Variants in ITGA2B observed in about 807,000 individuals in gnomAD.
ITGA2B encodes integrin subunit alpha 2b.
ITGA2B carries 91 observed loss-of-function variants against 142.0 expected under a neutral mutation model. That is an observed-to-expected ratio of 0.64 (90% confidence interval 0.54 to 0.76). ITGA2B has a LOEUF of 0.76. Among genes scored for constraint, ITGA2B ranks in the 30% least tolerant of loss-of-function variants. The pLI is 0.00. For synonymous variants in ITGA2B, 536 were observed against 567.2 expected (o/e 0.94, Z 0.78); for missense variants, 1,231 against 1,350.8 (o/e 0.91, Z 1.39).
At chr17:44,378,309 A>G in intron 20 of ITGA2B, 53 bp downstream of exon 20, 6 of 1,575,916 alleles carry the variant, frequency 3.8e-6, no homozygotes, top group Non-Finnish European at 5.2e-6. Flanking sequence ...GAGAGAGCCA[A>G]GGCTCCAGTG....
At chr17:44,384,660 A>C in intron 7 of ITGA2B, 75 bp from the exon 8 acceptor site, 2 of 1,537,610 alleles carry the variant, frequency 1.3e-6, no homozygotes, top group South Asian at 2.2e-5. Flanking sequence ...GAAGGAGGAG[A>C]TTAAGGCCAC....
At chr17:44,375,144 C>G in intron 26 of ITGA2B, 33 bp from the exon 27 acceptor site, 1 of 1,518,928 alleles carries the variant, frequency 6.6e-7, no homozygotes, top group Non-Finnish European at 8.9e-7. Flanking sequence ...CCCAGCCCGT[C>G]CCGGCCCATC....
chr17:44,379,953 T>C, intron 17 of ITGA2B, 49 bp downstream of exon 17: 1 of 1,612,936 alleles, frequency 6.2e-7, no homozygotes, highest in Non-Finnish European at 8.5e-7. Context: ...ACAAGTCCAG[T>C]GGGTAAGTTC....
At position 44,380,018 on chromosome 17, in the gene ITGA2B, G is replaced by C; in HGVS notation, c.1736C>G (p.Thr579Ser). The part of the protein sequence containing the change: ...GGKHSPICHT[T>S]MAFLRDEADF... Reference sequence around the variant, plus strand: ...TGGGCGTACTCGAAGGAAGGCCATGGTGGTGTGGCAGATGGGGCTGTGCTT... The same window carrying C: ...TGGGCGTACTCGAAGGAAGGCCATGCTGGTGTGGCAGATGGGGCTGTGCTT... Residue 579 changes from threonine to serine, a missense_variant, in exon 17 of 30, where the codon ACC becomes AGC. Physicochemically the swap from Thr to Ser is moderately conservative, Grantham distance 58. Coordinates refer to ENST00000262407, the MANE Select transcript of ITGA2B (RefSeq NM_000419.5). The C allele has an allele frequency of 6.2e-7, 1 of 1,613,620 alleles. No homozygotes were observed. Among genetic ancestry groups the C allele is most frequent in the Non-Finnish European group, 8.5e-7 (1 of 1,180,032 alleles).
intron 12 of ITGA2B, among the ~76,000 whole-genome samples, chr17:44,382,153 AG>A (rs1193940756): frequency 4.0e-5 from 6 of 151,872 alleles, no homozygotes; most frequent in East Asian, 1.9e-4. Context: ...GAGGCATCAC[AG>A]GGACTCTCTG....
At position 44,374,673 on chromosome 17, in the gene ITGA2B, G is replaced by C. The variant is rs79657230; in HGVS notation, c.2929C>G (p.Arg977Gly). ...CCCACACTCACCTGAGCTTCCCCTC[G>C]GGGCAGGCTGAGCGGGGGCACCGCA... Reference protein sequence around the residue: ...PYAVPPLSLPRGEAQVWTQLL... With the variant: ...PYAVPPLSLPGGEAQVWTQLL... Residue 977 changes from arginine to glycine, a missense_variant, in exon 28 of 30, where the codon CGA (arginine) becomes GGA (glycine). Arg to Gly is a moderately radical substitution (Grantham distance 125). This residue lies in a region of ITGA2B where 908 missense variants were observed against 1,021.1 expected (regional missense o/e 0.89). Coordinates refer to ENST00000262407, the MANE Select transcript of ITGA2B (RefSeq NM_000419.5). The C allele has an allele frequency of 1.9e-6, 3 of 1,613,678 alleles. No homozygotes were observed. Among genetic ancestry groups the C allele is most frequent in the South Asian group, 1.1e-5 (1 of 91,074 alleles).
rs201613707 is a variant in ITGA2B, at chr17:44,376,213, G to C, written c.2349-29C>G. 5.0e-6 allele frequency: 8 copies of C among 1,613,854 alleles called. No homozygotes were observed. In the Admixed American group the frequency reaches 8.3e-5, roughly 17 times the overall value. On this transcript the variant is annotated intron_variant, in intron 23 of 29. Coordinates refer to ENST00000262407, the MANE Select transcript of ITGA2B (RefSeq NM_000419.5). Reference sequence around the variant, plus strand: ...CAGGTGCCCAAGACCCCCAGAGAGAGTGTGATGCCCTGATTGGCCTGTGAG... The same window carrying C: ...CAGGTGCCCAAGACCCCCAGAGAGACTGTGATGCCCTGATTGGCCTGTGAG...
At chr17:44,386,319 A>G (rs1383374751) in intron 1 of ITGA2B, among the ~76,000 whole-genome samples, 188 bp from the exon 2 acceptor site, 1 of 152,220 alleles carries the variant, frequency 6.6e-6, no homozygotes, top group Non-Finnish European at 1.5e-5. Flanking sequence ...ACTCTCAGCG[A>G]GGGCAATCAC....
chr17:44,372,496 T>C, intron 29 of ITGA2B, 73 bp from the exon 30 acceptor site: 1 of 1,386,110 alleles, frequency 7.2e-7, no homozygotes, highest in Non-Finnish European at 1.0e-6. Context: ...TGAGGAAGTA[T>C]GCTAGCTATG....
In ITGA2B at chr17:44,372,429, G is replaced by C; in HGVS notation, c.3061-6C>G. The C allele has an allele frequency of 6.2e-7, 1 of 1,613,882 alleles. No homozygotes were observed. Among genetic ancestry groups the C allele is most frequent in the South Asian group, 1.1e-5 (1 of 91,074 alleles). ...TTCCGCTTGAAGAAGCCGACCTGGG[G>C]GTACACGGGGGCCAAGGTCAGGGTA... On this transcript the variant is annotated splice_polypyrimidine_tract_variant and splice_region_variant and intron_variant, in intron 29 of 29. Coordinates refer to ENST00000262407, the MANE Select transcript of ITGA2B (RefSeq NM_000419.5).
Position 44,385,567 on chromosome 17 carries a change from G to T in ITGA2B, c.558C>A (p.Tyr186Ter), listed in dbSNP as rs1416238665. 3 of 1,593,520 alleles carry T rather than the reference G, an allele frequency of 1.9e-6. No homozygotes were observed. The highest frequency in any genetic ancestry group is 1.1e-5 in the South Asian group (1 of 89,660). The part of the protein sequence containing the change: ...PCRGNTLSRI[Y>*]VENDFSWDKR... The stretch of plus-strand genomic sequence containing the variant: ...GGCGCTTACTAAAATCATTTTCCAC[G>T]TAAATGCGGCTCAGGGTGTTCCCGC... The change falls in exon 4 of 30, where the codon TAC (tyrosine) becomes TAA (stop). Residue 186 changes from tyrosine (Y) to a stop codon, truncating the protein, a stop_gained. Transcript: ENST00000262407. LOFTEE classifies it high-confidence loss of function.
chr17:44,378,837 C>T (rs1040108439), intron 18 of ITGA2B, 127 bp from the exon 19 acceptor site: 34 of 788,986 alleles, frequency 4.3e-5, no homozygotes, highest in Admixed American at 9.0e-5. Context: ...GATCTGAGGA[C>T]GAAAAGGAGT....
chr17:44,376,946 G>T, intron 22 of ITGA2B, 63 bp downstream of exon 22: 1 of 1,338,284 alleles, frequency 7.5e-7, no homozygotes, highest in South Asian at 1.2e-5. Context: ...GGGACCTGAG[G>T]GGCTCTGCAC....
chr17:44,376,030 C>T, intron 24 of ITGA2B, 45 bp from the exon 25 acceptor site: 2 of 1,613,996 alleles, frequency 1.2e-6, no homozygotes, highest in South Asian at 1.1e-5. Context: ...TAGCGCCTCA[C>T]CCGGAGTTCT....
intron 29 of ITGA2B, chr17:44,373,823 G>A (rs1462155262): frequency 1.1e-5 from 2 of 188,704 alleles, no homozygotes; most frequent in Non-Finnish European, 2.2e-5. Context: ...CTTTCCAGTG[G>A]TATGTGTCTG....
At position 44,377,043 on chromosome 17, in the gene ITGA2B, C is replaced by T. The variant is rs2048550849; in HGVS notation, c.2233G>A (p.Gly745Arg). ...TGCAGCTGGAAGGACACAGACTCCC[C>T]AGCCTCTTCCAGATTCCCCACGCTC... ...LVSVGNLEEAGESVSFQLQIR... is the reference protein window; with the variant it reads ...LVSVGNLEEARESVSFQLQIR... Residue 745 changes from glycine (G) to arginine (R), a missense_variant, in exon 22 of 30, where the codon GGG becomes AGG. Gly to Arg is a moderately radical substitution (Grantham distance 125). This residue lies in a region of ITGA2B where 908 missense variants were observed against 1,021.1 expected (regional missense o/e 0.89). Coordinates refer to ENST00000262407, the MANE Select transcript of ITGA2B (RefSeq NM_000419.5). 6.9e-6 allele frequency: 11 copies of T among 1,592,702 alleles called. No homozygotes were observed. The East Asian group carries it at 2.5e-4, about 36-fold the overall frequency.
intron 17 of ITGA2B, 23 bp from the exon 18 acceptor site, chr17:44,379,837 G>T (rs553643456): frequency 1.2e-6 from 2 of 1,613,584 alleles, no homozygotes; most frequent in South Asian, 2.2e-5. Flanking sequence ...CAAGAGTCAG[G>T]CCATCTTGCT....
intron 29 of ITGA2B, 32 bp downstream of exon 29, chr17:44,374,322 C>T (rs368049439): frequency 1.8e-5 from 28 of 1,592,524 alleles, no homozygotes; most frequent in Middle Eastern, 1.7e-4. Context: ...GCCTGTGCCC[C>T]GCTGGGGACT....
In ITGA2B at chr17:44,381,491, G is replaced by A. The variant is rs190185048; in HGVS notation, c.1211-430C>T. ...ATTACAGGCGCCTACCACCATGCCC[G>A]GCTAATTTTTGTATTTTCAGTAGAG... On this transcript the variant is annotated intron_variant, in intron 12 of 29. Coordinates refer to ENST00000262407, the MANE Select transcript of ITGA2B (RefSeq NM_000419.5). 2.2e-3 allele frequency among the ~76,000 whole-genome samples: 334 copies of A among 151,472 alleles called. 2 individuals are homozygous for A. The highest frequency in any genetic ancestry group is 7.7e-3 in the African/African-American group (318 of 41,252).
Sources: gnomAD v4.1 joint callset for allele counts (sites outside exome capture counted in the v4.1 genomes callset) on GRCh38, gnomAD v4.1.1 for gene constraint, gnomAD v4.1.1 regional missense constraint, MANE v1.5 for transcripts, NCBI Gene and HGNC (gene_info 2026-07-23, HGNC 2026-07-21) for gene names.